ANKRD30B: variants seen among roughly 807,000 people sequenced by gnomAD.
The protein encoded by ANKRD30B is ankyrin repeat domain 30B, also known as ankyrin repeat domain-containing protein 30B.
In ANKRD30B, 144 loss-of-function variants were observed where a neutral mutation model predicts 202.2. The observed-to-expected ratio is 0.71, with a 90% CI of 0.62 to 0.82. ANKRD30B has a LOEUF of 0.82. Ranked by LOEUF, ANKRD30B falls within the 40% of genes least tolerant of loss-of-function variation. The probability of loss-of-function intolerance (pLI) is 0.00; values close to 1 mark genes in which losing one functional copy is unlikely to be tolerated. For missense variants in ANKRD30B, 1,487 were observed against 1,669.1 expected, an observed-to-expected ratio of 0.89 and a Z score of 1.90; for synonymous variants, 508 against 561.3, an observed-to-expected ratio of 0.91 and a Z score of 1.34.
At chr18:14,860,654 A>C in the ANKRD30B span, among the ~76,000 whole-genome samples, 1 of 151,594 alleles carries the variant, frequency 6.6e-6, no homozygotes, top group Non-Finnish European at 1.5e-5. Flanking sequence ...TGCAACCTAG[A>C]AAAGATTGGG....
the ANKRD30B span, among the ~76,000 whole-genome samples, chr18:14,862,972 T>C: frequency 1.2e-3 from 181 of 152,372 alleles, no homozygotes; most frequent in African/African-American, 4.0e-3. Flanking sequence ...GGAATTGGAA[T>C]ATTTACCCAA....
At chr18:14,896,741 A>G in the ANKRD30B span, among the ~76,000 whole-genome samples, 1 of 140,154 alleles carries the variant, frequency 7.1e-6, no homozygotes. Context: ...GTAGGCTACA[A>G]ATGCTGGATA....
chr18:14,754,463 A>G (rs959477060), intron 3 of ANKRD30B, among the ~76,000 whole-genome samples: 4 of 152,186 alleles, frequency 2.6e-5, no homozygotes, highest in Non-Finnish European at 4.4e-5. Context: ...GTTGGGGTAC[A>G]GTGCTTCTGG....
chr18:14,920,553 A>C, the ANKRD30B span, among the ~76,000 whole-genome samples: 2 of 152,232 alleles, frequency 1.3e-5, no homozygotes, highest in African/African-American at 4.8e-5. Flanking sequence ...GGGCTATAGC[A>C]CAAAAGAAAA....
intron 37 of ANKRD30B, among the ~76,000 whole-genome samples, chr18:14,840,895 CTAAGACCTGAGGAAAGGAGTAAAA>C (rs1320429809): frequency 2.0e-5 from 3 of 152,066 alleles, no homozygotes; most frequent in Non-Finnish European, 4.4e-5. Context: ...TCAACATACT[CTAAGACCTGAGGAAAGGAGTAAAA>C]CAGGGAATGA....
the ANKRD30B span, among the ~76,000 whole-genome samples, chr18:14,862,788 C>G: frequency 1.3e-5 from 2 of 152,258 alleles, no homozygotes; most frequent in Non-Finnish European, 2.9e-5. Context: ...TGCAAAGCCA[C>G]AGAGGCAGAG....
At chr18:14,911,971 G>A in the ANKRD30B span, among the ~76,000 whole-genome samples, 13 of 152,178 alleles carry the variant, frequency 8.5e-5, no homozygotes, top group African/African-American at 2.9e-4. Context: ...CATTAATTTT[G>A]TATTATGAAA....
chr18:14,752,418 G>A (rs1401842628), intron 1 of ANKRD30B, 148 bp from the exon 2 acceptor site: 4 of 573,662 alleles, frequency 7.0e-6, no homozygotes, highest in East Asian at 3.1e-5. Flanking sequence ...ATAAGAGAAC[G>A]AATGTTGTAC....
At chr18:14,871,850 G>A in the ANKRD30B span, among the ~76,000 whole-genome samples, 2 of 152,360 alleles carry the variant, frequency 1.3e-5, no homozygotes, top group East Asian at 3.9e-4. Flanking sequence ...TTGGGATATT[G>A]AGAATGGCAT....
At chr18:14,912,723 A>T in the ANKRD30B span, among the ~76,000 whole-genome samples, 1 of 152,346 alleles carries the variant, frequency 6.6e-6, no homozygotes, top group African/African-American at 2.4e-5. Context: ...GGTATAATTA[A>T]GCTGTGAGCC....
At chr18:14,849,266 A>G (rs1260382697) in intron 40 of ANKRD30B, among the ~76,000 whole-genome samples, 1 of 151,856 alleles carries the variant, frequency 6.6e-6, no homozygotes, top group Non-Finnish European at 1.5e-5. Flanking sequence ...TACCTTTCTA[A>G]TTATTGACTT....
chr18:14,898,034 C>G, the ANKRD30B span, among the ~76,000 whole-genome samples: 2 of 152,154 alleles, frequency 1.3e-5, no homozygotes, highest in Non-Finnish European at 2.9e-5. Context: ...TAATCGTGCA[C>G]TACCGGAGTG....
intron 37 of ANKRD30B, among the ~76,000 whole-genome samples, chr18:14,841,783 CACTCCAGAAGATTAGATTGTGGGT>C (rs1971429341): frequency 1.3e-5 from 2 of 152,120 alleles, no homozygotes; most frequent in Non-Finnish European, 2.9e-5. Context: ...ACAATATTTG[CACTCCAGAAGATTAGATTGTGGGT>C]ACTCCAGAGA....
intron 33 of ANKRD30B, chr18:14,830,223 TC>T (rs1184723166): frequency 6.5e-6 from 1 of 154,380 alleles, no homozygotes; most frequent in Non-Finnish European, 1.5e-5. Context: ...GGCTCCCACT[TC>T]CAGATCTTTC....
the ANKRD30B span, among the ~76,000 whole-genome samples, chr18:14,906,578 A>G: frequency 1.3e-5 from 2 of 152,206 alleles, no homozygotes; most frequent in Non-Finnish European, 1.5e-5. Flanking sequence ...TTGTGCATAT[A>G]AAGAAAAGTC....
At position 14,850,240 on chromosome 18, in the gene ANKRD30B, A is replaced by C; in HGVS notation, c.3422A>C (p.Lys1141Thr). The C allele has an allele frequency of 1.3e-6, 2 of 1,571,154 alleles. No individual in the cohort carries two copies. Among genetic ancestry groups the C allele is most frequent in the Non-Finnish European group, 8.6e-7 (1 of 1,163,948 alleles). Residue 1141 changes from lysine (K) to threonine (T), a missense_variant, in exon 41 of 44, where the codon AAG (lysine) becomes ACG (threonine). Coordinates refer to ENST00000690538, the MANE Select transcript of ANKRD30B (RefSeq NM_001367607.2). ...TTGACTTTAAATCAAGAAGAAGAGA[A>C]GAGAAGAAATGTCGATATATTAAAA... Reference protein sequence around the residue: ...VRLTLNQEEEKRRNVDILKEK... With the variant: ...VRLTLNQEEETRRNVDILKEK...
chr18:14,811,518 T>G (rs1172590840), intron 28 of ANKRD30B, among the ~76,000 whole-genome samples: 1 of 149,590 alleles, frequency 6.7e-6, no homozygotes, highest in Non-Finnish European at 1.5e-5. Flanking sequence ...GCCCAGAGTC[T>G]TTTTACACTA....
chr18:14,799,300 A>T lies in ANKRD30B; in HGVS notation c.2131+5A>T, dbSNP rs1373923848. ...ACAGAGAAACATTCAAAGCAGGTAA[A>T]TTTTGCAATTTTAATTTTACTCTGG... On this transcript the variant is annotated splice_donor_5th_base_variant and intron_variant, in intron 22 of 43. Transcript: ENST00000690538. 6.6e-6 allele frequency: 10 copies of T among 1,519,544 alleles called. No homozygotes were observed. In the Admixed American group the frequency reaches 1.7e-4, roughly 25 times the overall value. 94.1% of individuals were successfully genotyped at this position (1,519,544 alleles called of 1,614,324 possible). A position where few individuals can be genotyped will look rare whatever the true frequency, so the allele number is the denominator to read the frequency against.
At chr18:14,842,492 G>T (rs1971458051) in intron 37 of ANKRD30B, among the ~76,000 whole-genome samples, 1 of 152,140 alleles carries the variant, frequency 6.6e-6, no homozygotes, top group African/African-American at 2.4e-5. Context: ...TTAATGTAAT[G>T]ATATAAATTA....
Sources: gnomAD v4.1 joint callset for allele counts (sites outside exome capture counted in the v4.1 genomes callset) on GRCh38, gnomAD v4.1.1 for gene constraint, MANE v1.5 for transcripts, NCBI Gene and HGNC (gene_info 2026-07-23, HGNC 2026-07-21) for gene names.